Variants in PLEKHA5 observed in about 807,000 individuals in gnomAD.
The protein encoded by PLEKHA5 is pleckstrin homology domain containing A5, also known as pleckstrin homology domain-containing family A member 5.
A neutral mutation model predicts 181.9 loss-of-function variants in PLEKHA5; 55 were observed. The observed-to-expected ratio is 0.30, with a 90% confidence interval of 0.24 to 0.38. PLEKHA5 has a LOEUF of 0.38. PLEKHA5 is among the 10% of genes least tolerant of loss of function. PLEKHA5 has a pLI of 1.00. For synonymous variants in PLEKHA5, 535 were observed against 529.4 expected, an observed-to-expected ratio of 1.01 and a Z score of -0.15; for missense variants, 1,432 against 1,549.5, an observed-to-expected ratio of 0.92 and a Z score of 1.27.
intron 3 of PLEKHA5, among the ~76,000 whole-genome samples, chr12:19,181,152 A>C (rs2048466893): frequency 6.6e-6 from 1 of 152,242 alleles, no homozygotes; most frequent in African/African-American, 2.4e-5. Flanking sequence ...ACTAGGTATA[A>C]CGAAATGGAA....
intron 20 of PLEKHA5, among the ~76,000 whole-genome samples, chr12:19,328,558 AGTGT>A (rs56041821): frequency 0.14 from 19,683 of 141,344 alleles, 1,438 homozygotes; most frequent in South Asian, 0.23. Flanking sequence ...CTTTCCTAGG[AGTGT>A]GTGTGTGTGT....
chr12:19,350,069 G>A (rs1294779971), intron 25 of PLEKHA5, among the ~76,000 whole-genome samples: 4 of 152,164 alleles, frequency 2.6e-5, no homozygotes, highest in Non-Finnish European at 5.9e-5. Flanking sequence ...CCAAGATCGT[G>A]CCACTGCACT....
intron 3 of PLEKHA5, among the ~76,000 whole-genome samples, chr12:19,216,611 C>T (rs151172727): frequency 0.071 from 10,722 of 151,288 alleles, 394 homozygotes; most frequent in South Asian, 0.11. Context: ...TGCAGTGAGC[C>T]CAGATCACAC....
At chr12:19,267,722 G>A (rs2070996327) in intron 8 of PLEKHA5, among the ~76,000 whole-genome samples, 1 of 151,590 alleles carries the variant, frequency 6.6e-6, no homozygotes, top group South Asian at 2.1e-4. Context: ...CCAGCACTTT[G>A]GGAGGCTGAG....
intron 3 of PLEKHA5, among the ~76,000 whole-genome samples, chr12:19,223,547 G>T (rs1047501673): frequency 1.3e-5 from 2 of 151,942 alleles, no homozygotes; most frequent in African/African-American, 4.8e-5. Context: ...GTTTAATTTG[G>T]TTTTTCCCAA....
chr12:19,195,615 G>T (rs1192625511), intron 3 of PLEKHA5, among the ~76,000 whole-genome samples: 2 of 144,996 alleles, frequency 1.4e-5, no homozygotes, highest in African/African-American at 5.1e-5. Context: ...AGCTGCAGCA[G>T]TGCGCTGAGA....
rs75593003 is a variant in PLEKHA5, at chr12:19,199,155, A to T, written c.228-54785A>T. Among the ~76,000 whole-genome samples the T allele has an allele frequency of 5.9e-3, 892 of 152,252 alleles. 9 individuals carry two copies. Among genetic ancestry groups the T allele is most frequent in the African/African-American group, 0.021 (861 of 41,552 alleles). On this transcript the variant is annotated intron_variant, in intron 3 of 31. Coordinates refer to ENST00000429027, the MANE Select transcript of PLEKHA5 (RefSeq NM_001256470.2). ...TTTAAAATTTACAATTCTTTTTTGT[A>T]AGACAGTAACAAATTATTATGCAGA...
intron 15 of PLEKHA5, chr12:19,306,251 A>G (rs2152951874): frequency 1.2e-5 from 4 of 336,070 alleles, no homozygotes; most frequent in East Asian, 1.5e-4. Context: ...ACCTAAGTGT[A>G]TTTCCGAGAT....
At chr12:19,247,758 A>ATT (rs2064121476) in intron 3 of PLEKHA5, among the ~76,000 whole-genome samples, 1 of 151,314 alleles carries the variant, frequency 6.6e-6, no homozygotes, top group Admixed American at 6.6e-5. Context: ...CTTTTTTTAA[A>ATT]AAAAAAAAAG....
intron 3 of PLEKHA5, among the ~76,000 whole-genome samples, chr12:19,155,643 T>C (rs901694049): frequency 6.6e-6 from 1 of 152,220 alleles, no homozygotes; most frequent in Non-Finnish European, 1.5e-5. Flanking sequence ...AAAATATTAT[T>C]AGTCTTTATC....
At chr12:19,159,491 A>T (rs1164282293) in intron 3 of PLEKHA5, among the ~76,000 whole-genome samples, 1 of 152,180 alleles carries the variant, frequency 6.6e-6, no homozygotes, top group African/African-American at 2.4e-5. Context: ...GATGATTGCT[A>T]TAACATTTTC....
chr12:19,303,317 G>T (rs1009344459), intron 15 of PLEKHA5, among the ~76,000 whole-genome samples: 1 of 152,036 alleles, frequency 6.6e-6, no homozygotes, highest in Non-Finnish European at 1.5e-5. Flanking sequence ...TTATATGAAT[G>T]ACCATCTTGG....
chr12:19,130,247 C>T lies in PLEKHA5; in HGVS notation c.169+117C>T, dbSNP rs1355460897. On this transcript the variant is annotated intron_variant, in intron 2 of 31. Coordinates refer to ENST00000429027, the MANE Select transcript of PLEKHA5 (RefSeq NM_001256470.2). This position sits in a 1 kb window ranked among gnomAD's most constrained non-coding sequence, Gnocchi z 4.5. The stretch of plus-strand genomic sequence containing the variant: ...GGCCCCGGGAGGCGGCGAGGCGGGG[C>T]GGAGGCCGGGCGGGAGCGGCCGCAG... 5 of 491,658 alleles carry T rather than the reference C, an allele frequency of 1.0e-5. No homozygotes were observed. The highest frequency in any genetic ancestry group is 1.6e-5 in the Non-Finnish European group (5 of 320,896). The allele number at this position is 491,658 out of a possible 1,614,324, so 30.5% of individuals were successfully genotyped here. A position where few individuals can be genotyped will look rare whatever the true frequency, so the allele number is the denominator to read the frequency against.
At chr12:19,191,804 T>C (rs1427147036) in intron 3 of PLEKHA5, among the ~76,000 whole-genome samples, 2 of 152,140 alleles carry the variant, frequency 1.3e-5, no homozygotes, top group Admixed American at 6.5e-5. Context: ...GTCTGGCAAG[T>C]TGATGGTGGG....
chr12:19,217,807 T>C (rs2058230272), intron 3 of PLEKHA5, among the ~76,000 whole-genome samples: 2 of 152,156 alleles, frequency 1.3e-5, no homozygotes, highest in Admixed American at 6.5e-5. Flanking sequence ...CTGGAGGAGT[T>C]TGGCAGAAGG....
intron 3 of PLEKHA5, chr12:19,205,280 T>G (rs1056444116): frequency 2.4e-5 from 13 of 548,356 alleles, no homozygotes; most frequent in Non-Finnish European, 3.0e-5. Flanking sequence ...TACTTACTCT[T>G]GGAGACTGCG....
intron 3 of PLEKHA5, among the ~76,000 whole-genome samples, chr12:19,202,926 A>T (rs1246215865): frequency 6.6e-6 from 1 of 152,116 alleles, no homozygotes; most frequent in Admixed American, 6.6e-5. Context: ...TTGTCATAGA[A>T]GTGAGTTATA....
At chr12:19,157,257 G>A (rs2041987435) in intron 3 of PLEKHA5, among the ~76,000 whole-genome samples, 1 of 152,074 alleles carries the variant, frequency 6.6e-6, no homozygotes, top group African/African-American at 2.4e-5. Context: ...GGTTGAGTGG[G>A]AAAAGATGAA....
rs568576057 is a variant in PLEKHA5, at chr12:19,346,839, T to A, written c.2710-155T>A. Among the ~76,000 whole-genome samples, 5 of 152,252 alleles carry A rather than the reference T, an allele frequency of 3.3e-5. No individual in the cohort carries two copies. The East Asian group carries it at 9.6e-4, about 29-fold the overall frequency. ...TCCAATTATTGGCTATGATAAAAAA[T>A]TTTTGATTTTACTTTTCATTATTAG... is the stretch of plus-strand genomic sequence containing the variant. On this transcript the variant is annotated intron_variant, in intron 23 of 31. Transcript: ENST00000429027.
Sources: allele counts gnomAD v4.1 joint callset (sites outside exome capture counted in the v4.1 genomes callset), GRCh38; gene constraint gnomAD v4.1.1; non-coding constraint Gnocchi (gnomAD v3.1); transcripts MANE v1.5; gene names NCBI Gene and HGNC (gene_info 2026-07-23, HGNC 2026-07-21).